The following UNC13C variants were observed in gnomAD, a reference collection of about 807,000 sequenced individuals.
The protein encoded by UNC13C is unc-13 homolog C.
Under a neutral mutation model 245.4 loss-of-function variants are expected in UNC13C, and 174 were observed. That is an observed-to-expected ratio of 0.71 (90% CI 0.63 to 0.80). The LOEUF (loss-of-function observed/expected upper bound fraction) is 0.80. UNC13C is among the 30% of genes least tolerant of loss of function. The pLI, the probability that UNC13C is intolerant of heterozygous loss-of-function variation, is 0.00. For missense variants in UNC13C, 2,829 were observed against 2,602.9 expected, an observed-to-expected ratio of 1.09 and a Z score of -1.89; for synonymous variants, 992 against 895.1, an observed-to-expected ratio of 1.11 and a Z score of -1.93.
At chr15:53,875,616 T>C in the UNC13C span, among the ~76,000 whole-genome samples, 2 of 152,148 alleles carry the variant, frequency 1.3e-5, no homozygotes, top group East Asian at 3.9e-4. Flanking sequence ...GGATGATGTA[T>C]CTGATAGTGA....
intron 2 of UNC13C, among the ~76,000 whole-genome samples, chr15:54,125,134 A>G (rs2030948927): frequency 6.6e-6 from 1 of 152,116 alleles, no homozygotes; most frequent in Admixed American, 6.5e-5. Flanking sequence ...TTATCTTTCC[A>G]TATAAGTTTC....
At chr15:54,607,076 T>C (rs1215176327) in intron 30 of UNC13C, among the ~76,000 whole-genome samples, 3 of 152,206 alleles carry the variant, frequency 2.0e-5, no homozygotes, top group Non-Finnish European at 2.9e-5. Context: ...ATCTTAAATT[T>C]AGTTTTTTAA....
At chr15:54,142,097 G>A (rs182371208) in intron 2 of UNC13C, among the ~76,000 whole-genome samples, 1 of 152,138 alleles carries the variant, frequency 6.6e-6, no homozygotes, top group South Asian at 2.1e-4. Context: ...AAGCAAAGAT[G>A]AATTAATGAG....
chr15:54,013,197 T>C lies in UNC13C; in HGVS notation c.294T>C (p.Ile98=). ...LSPTFSYRVA[I]ANGLQKNAKV... ...CAACATTCAGTTACCGAGTAGCTATTGCCAATGGCCTACAAAAGAATGCTA... is the reference window on the plus strand; with the variant it reads ...CAACATTCAGTTACCGAGTAGCTATCGCCAATGGCCTACAAAAGAATGCTA... The change falls in exon 2 of 33, where the codon ATT becomes ATC. Residue 98 remains isoleucine (I), a synonymous_variant. Transcript: ENST00000260323. 6.2e-7 allele frequency: 1 copy of C among 1,613,842 alleles called. No homozygotes were observed. The highest frequency in any genetic ancestry group is 1.6e-4 in the Middle Eastern group (1 of 6,062).
At chr15:53,935,916 A>C in the UNC13C span, among the ~76,000 whole-genome samples, 1 of 152,180 alleles carries the variant, frequency 6.6e-6, no homozygotes, top group Non-Finnish European at 1.5e-5. Context: ...TCCAGCACGC[A>C]CAGAAACCTA....
At chr15:54,621,147 T>C (rs992293714) in intron 30 of UNC13C, among the ~76,000 whole-genome samples, 2 of 152,180 alleles carry the variant, frequency 1.3e-5, no homozygotes, top group Non-Finnish European at 2.9e-5. Context: ...ATCTTGATGA[T>C]TCTCTCAAGA....
intron 4 of UNC13C, among the ~76,000 whole-genome samples, chr15:54,147,873 A>C (rs1169170762): frequency 6.6e-6 from 1 of 151,832 alleles, no homozygotes. Flanking sequence ...CAAGTCTATA[A>C]AGCAATGGTG....
chr15:54,286,512 C>G (rs2037153966), intron 10 of UNC13C, among the ~76,000 whole-genome samples: 1 of 152,134 alleles, frequency 6.6e-6, no homozygotes. Context: ...TGAAGTCAGG[C>G]AATCAGGCTT....
At chr15:54,616,605 A>C (rs1256201129) in intron 30 of UNC13C, among the ~76,000 whole-genome samples, 1 of 152,072 alleles carries the variant, frequency 6.6e-6, no homozygotes, top group Non-Finnish European at 1.5e-5. Flanking sequence ...AAATAGAAAA[A>C]ATTTTACAGA....
the UNC13C span, among the ~76,000 whole-genome samples, chr15:53,888,643 G>A: frequency 0.074 from 11,271 of 152,188 alleles, 498 homozygotes; most frequent in South Asian, 0.19. Context: ...GTCCTGAATG[G>A]CATTGCCTAT....
At chr15:54,053,734 T>C (rs938549841) in intron 2 of UNC13C, among the ~76,000 whole-genome samples, 2 of 152,300 alleles carry the variant, frequency 1.3e-5, no homozygotes, top group South Asian at 4.2e-4. Flanking sequence ...AGATCTTATT[T>C]ATTCTAAGTT....
chr15:54,516,815 A>T (rs1043822412), intron 24 of UNC13C, among the ~76,000 whole-genome samples: 1 of 150,076 alleles, frequency 6.7e-6, no homozygotes, highest in Non-Finnish European at 1.5e-5. Flanking sequence ...AAAAAAAAGT[A>T]TCAGATAATT....
chr15:54,368,710 T>A (rs972959313), intron 17 of UNC13C, among the ~76,000 whole-genome samples: 1 of 152,184 alleles, frequency 6.6e-6, no homozygotes, highest in Admixed American at 6.5e-5. Context: ...ATATGACTGA[T>A]ATTTGCACTA....
intron 18 of UNC13C, among the ~76,000 whole-genome samples, chr15:54,409,029 A>G (rs2040364750): frequency 6.6e-6 from 1 of 152,188 alleles, no homozygotes; most frequent in African/African-American, 2.4e-5. Flanking sequence ...ATATTGGTAT[A>G]GAAAAGAACT....
At chr15:53,936,859 C>G in the UNC13C span, among the ~76,000 whole-genome samples, 5 of 152,084 alleles carry the variant, frequency 3.3e-5, no homozygotes, top group Non-Finnish European at 7.4e-5. Flanking sequence ...AAAAAGTCCC[C>G]CCAAAAACCC....
At chr15:54,274,155 A>G (rs566237360) in intron 10 of UNC13C, among the ~76,000 whole-genome samples, 1 of 152,228 alleles carries the variant, frequency 6.6e-6, no homozygotes, top group East Asian at 1.9e-4. Flanking sequence ...GAGGTAGGGG[A>G]GAAGTGGTCA....
chr15:54,276,268 A>G (rs1318750873), intron 10 of UNC13C, among the ~76,000 whole-genome samples: 1 of 152,278 alleles, frequency 6.6e-6, no homozygotes, highest in African/African-American at 2.4e-5. Flanking sequence ...AAAATATTGT[A>G]CATTTCAAAT....
intron 2 of UNC13C, among the ~76,000 whole-genome samples, chr15:54,037,095 G>A (rs1896605943): frequency 1.3e-5 from 2 of 152,230 alleles, no homozygotes; most frequent in South Asian, 4.1e-4. Flanking sequence ...ATTTCTGTGT[G>A]CTTTCCAGTT....
At chr15:54,415,362 C>A (rs192320751) in intron 19 of UNC13C, among the ~76,000 whole-genome samples, 1 of 152,246 alleles carries the variant, frequency 6.6e-6, no homozygotes, top group Admixed American at 6.5e-5. Flanking sequence ...TTTACCAAAG[C>A]AGGCCATATT....
Sources: gnomAD v4.1 joint callset for allele counts (sites outside exome capture counted in the v4.1 genomes callset) on GRCh38, gnomAD v4.1.1 for gene constraint, MANE v1.5 for transcripts, NCBI Gene and HGNC (gene_info 2026-07-23, HGNC 2026-07-21) for gene names.